Variants in FBLN2 observed in about 807,000 individuals in gnomAD.
FBLN2 encodes the protein fibulin-2.
Under a neutral mutation model 123.7 loss-of-function variants are expected in FBLN2, and 81 were observed. The ratio of observed to expected loss-of-function variants is 0.65; its 90% confidence interval spans 0.55 to 0.79. The LOEUF is 0.79. Among genes scored for constraint, FBLN2 ranks in the 30% least tolerant of loss-of-function variants. The probability of loss-of-function intolerance (pLI) is 0.00; values close to 1 mark genes in which losing one functional copy is unlikely to be tolerated. For synonymous variants in FBLN2, 699 were observed against 701.4 expected, an observed-to-expected ratio of 1.00 and a Z score of 0.05; for missense variants, 1,603 against 1,681.3, an observed-to-expected ratio of 0.95 and a Z score of 0.81.
intron 17 of FBLN2, 22 bp downstream of exon 17, chr3:13,636,590 C>A: frequency 1.2e-6 from 2 of 1,610,788 alleles, no homozygotes; most frequent in Non-Finnish European, 8.5e-7. Flanking sequence ...CACCCCAGTC[C>A]CAGTCCCAGG....
intron 14 of FBLN2, 108 bp downstream of exon 14, chr3:13,630,053 C>G (rs1706203035): frequency 6.8e-7 from 1 of 1,466,476 alleles, no homozygotes; most frequent in South Asian, 1.2e-5. Context: ...ACACCTTCAC[C>G]CTCACACCTT....
intron 2 of FBLN2, among the ~76,000 whole-genome samples, chr3:13,587,297 A>G (rs1704541533): frequency 6.6e-6 from 1 of 152,210 alleles, no homozygotes; most frequent in African/African-American, 2.4e-5. Flanking sequence ...ATTAAAATTT[A>G]TAAAGTAAAA....
chr3:13,568,638 C>A, intron 1 of FBLN2: 1 of 364,318 alleles, frequency 2.7e-6, no homozygotes, highest in Non-Finnish European at 3.8e-6. Context: ...AGCCCCTTGG[C>A]CCTGCCACTC....
intron 2 of FBLN2, among the ~76,000 whole-genome samples, chr3:13,590,410 C>T (rs891543975): frequency 2.6e-5 from 4 of 152,194 alleles, no homozygotes; most frequent in African/African-American, 9.6e-5. Flanking sequence ...ACTGCAACCT[C>T]CGCTTCCCAG....
chr3:13,602,098 T>G (rs958125555), intron 2 of FBLN2, among the ~76,000 whole-genome samples: 7 of 152,244 alleles, frequency 4.6e-5, no homozygotes, highest in Non-Finnish European at 7.3e-5. Flanking sequence ...CTGAAGAAGA[T>G]TCTCTTTTTT....
chr3:13,629,103 C>A, intron 12 of FBLN2, 55 bp downstream of exon 12: 1 of 1,612,814 alleles, frequency 6.2e-7, no homozygotes, highest in African/African-American at 1.3e-5. Flanking sequence ...GCTTCCCCAC[C>A]CCTGGGAGGT....
chr3:13,617,946 A>G, intron 5 of FBLN2, 130 bp from the exon 6 acceptor site: 2 of 775,644 alleles, frequency 2.6e-6, no homozygotes, highest in South Asian at 1.6e-5. Context: ...ATCCTGCTTC[A>G]TCCATCCTTG....
At chr3:13,558,953 A>C (rs1421379002) in intron 1 of FBLN2, among the ~76,000 whole-genome samples, 2 of 151,988 alleles carry the variant, frequency 1.3e-5, no homozygotes, top group African/African-American at 4.8e-5. Context: ...GATGAGAGAA[A>C]GATAAGGGGT....
chr3:13,613,355 A>G (rs1705467172), intron 4 of FBLN2, among the ~76,000 whole-genome samples: 1 of 152,254 alleles, frequency 6.6e-6, no homozygotes, highest in Non-Finnish European at 1.5e-5. Context: ...TGCAACCAAA[A>G]TACTACTGTA....
At position 13,571,635 on chromosome 3, in the gene FBLN2, A is replaced by T. The variant is rs1265464594; in HGVS notation, c.1280A>T (p.His427Leu). The T allele has an allele frequency of 1.2e-6, 2 of 1,605,170 alleles. No homozygotes were observed. The highest frequency in any genetic ancestry group is 1.7e-5 in the Admixed American group (1 of 59,478). The stretch of plus-strand genomic sequence containing the variant: ...GAGGACACAGACCCCAACTCTGTCC[A>T]TTCTATCCCCAGAAGTAGCCCTGAA... ...VEEDTDPNSVHSIPRSSPEGS... is the reference protein window; with the variant it reads ...VEEDTDPNSVLSIPRSSPEGS... The change falls in exon 2 of 18, where the codon CAT becomes CTT. Residue 427 changes from histidine to leucine, a missense_variant. His to Leu is a moderately conservative substitution (Grantham distance 99). Coordinates refer to ENST00000404922, the MANE Select transcript of FBLN2 (RefSeq NM_001004019.2).
rs371873708 is a variant in FBLN2 at position 13,629,841 on chromosome 3, C to T, written c.2864C>T (p.Ser955Leu). The change falls in exon 14 of 18, where the codon TCG becomes TTG. Residue 955 changes from serine (S) to leucine (L), a missense_variant. Transcript: ENST00000404922. Reference protein sequence around the residue: ...GCIDVNECWASPGRLCQHTCE... With the variant: ...GCIDVNECWALPGRLCQHTCE... ...ACAGACGTGAATGAGTGCTGGGCCT[C>T]GCCAGGCCGCCTGTGCCAGCACACG... is the stretch of plus-strand genomic sequence containing the variant. The T allele has an allele frequency of 2.2e-5, 34 of 1,579,142 alleles. No individual in the cohort carries two copies. In the Admixed American group the frequency reaches 3.4e-4, roughly 16 times the overall value.
At position 13,569,937 on chromosome 3, in the gene FBLN2, C is replaced by T. The variant is rs138490354; in HGVS notation, c.-41-378C>T. On this transcript the variant is annotated intron_variant, in intron 1 of 17. Transcript: ENST00000404922. Reference sequence around the variant, plus strand: ...GAGGATTATGGGGCATATTGCCTGACGTGCCCTGGTGAGTGTGACCGAGTG... The same window carrying T: ...GAGGATTATGGGGCATATTGCCTGATGTGCCCTGGTGAGTGTGACCGAGTG... Among the ~76,000 whole-genome samples, 443 of 152,112 alleles carry T rather than the reference C, an allele frequency of 2.9e-3. 1 individual carries two copies. Among genetic ancestry groups the T allele is most frequent in the Non-Finnish European group, 5.2e-3 (352 of 67,966 alleles).
chr3:13,602,294 T>C (rs1705058696), intron 2 of FBLN2, among the ~76,000 whole-genome samples: 1 of 152,258 alleles, frequency 6.6e-6, no homozygotes, highest in Non-Finnish European at 1.5e-5. Flanking sequence ...TTCTCTTCCA[T>C]TGAGCGCCTT....
intron 1 of FBLN2, among the ~76,000 whole-genome samples, chr3:13,555,871 T>G (rs959604150): frequency 6.6e-6 from 1 of 152,230 alleles, no homozygotes; most frequent in Admixed American, 6.5e-5. Flanking sequence ...CGGGGACATT[T>G]CCTCACAAGA....
At chr3:13,612,419 C>T (rs139015302) in intron 4 of FBLN2, among the ~76,000 whole-genome samples, 32 of 151,302 alleles carry the variant, frequency 2.1e-4, no homozygotes, top group African/African-American at 6.8e-4. Flanking sequence ...CTCGCTCTGT[C>T]ACCCAGGCTG....
intron 16 of FBLN2, among the ~76,000 whole-genome samples, chr3:13,635,500 A>G (rs1313263920): frequency 3.9e-5 from 6 of 152,116 alleles, no homozygotes; most frequent in Non-Finnish European, 8.8e-5. Flanking sequence ...CTTTGTCCCA[A>G]ATGGGCCTTC....
intron 9 of FBLN2, among the ~76,000 whole-genome samples, chr3:13,623,558 G>A (rs1705927852): frequency 6.6e-6 from 1 of 152,100 alleles, no homozygotes; most frequent in African/African-American, 2.4e-5. Flanking sequence ...TCCGTCATTT[G>A]TACGTCCACA....
chr3:13,575,579 A>T (rs1055746828), intron 2 of FBLN2, among the ~76,000 whole-genome samples: 2 of 152,124 alleles, frequency 1.3e-5, no homozygotes, highest in African/African-American at 4.8e-5. Context: ...TAAAAAATCT[A>T]TTTGAGAAAG....
chr3:13,606,906 G>A lies in FBLN2; in HGVS notation c.1307-1156G>A, dbSNP rs865911425. On this transcript the variant is annotated intron_variant, in intron 2 of 17. Transcript: ENST00000404922. ...GAACTCAGGTGATCCTCCTGCCTAG[G>A]CCTCCCAAAGTGCTGGGATTACAGG... Among the ~76,000 whole-genome samples, 6 of 152,176 alleles carry A rather than the reference G, an allele frequency of 3.9e-5. No individual in the cohort carries two copies. The South Asian group carries it at 1.2e-3, about 32-fold the overall frequency.
Sources: gnomAD v4.1 joint callset for allele counts (sites outside exome capture counted in the v4.1 genomes callset) on GRCh38, gnomAD v4.1.1 for gene constraint, MANE v1.5 for transcripts, NCBI Gene and HGNC (gene_info 2026-07-23, HGNC 2026-07-21) for gene names.